APCDD1L: variants seen among roughly 807,000 people sequenced by gnomAD.
APCDD1L encodes the protein APC down-regulated 1 like.
APCDD1L carries 21 observed loss-of-function variants against 24.2 expected under a neutral mutation model. The ratio of observed to expected loss-of-function variants is 0.87; its 90% CI spans 0.61 to 1.25. The LOEUF (loss-of-function observed/expected upper bound fraction) is 1.25. Ranked by LOEUF, APCDD1L falls within the 50% of genes most tolerant of loss-of-function variation. APCDD1L has a pLI of 0.00. For synonymous variants in APCDD1L, 321 were observed against 323.6 expected, an observed-to-expected ratio of 0.99 and a Z score of 0.09; for missense variants, 704 against 711.7, an observed-to-expected ratio of 0.99 and a Z score of 0.12.
chr20:58,483,193 G>A (rs1005827324), intron 1 of APCDD1L, among the ~76,000 whole-genome samples: 2 of 152,160 alleles, frequency 1.3e-5, no homozygotes, highest in Admixed American at 6.5e-5. Flanking sequence ...AGAGATGGAG[G>A]AGGATGTAAT....
intron 1 of APCDD1L, among the ~76,000 whole-genome samples, chr20:58,512,381 G>A (rs939620583): frequency 6.6e-6 from 1 of 152,182 alleles, no homozygotes; most frequent in African/African-American, 2.4e-5. Flanking sequence ...ATCACCTGGA[G>A]ACATGTGGTC....
chr20:58,465,785 A>G lies in APCDD1L; in HGVS notation c.741+1321T>C, dbSNP rs555597263. 7.9e-5 allele frequency among the ~76,000 whole-genome samples: 12 copies of G among 152,358 alleles called. No individual in the cohort carries two copies. The East Asian group carries it at 2.1e-3, about 27-fold the overall frequency. ...CCTTGTATGACACTAACAGCATTGC[A>G]GGTACTGGAAACATGGTTTGCAGTC... On this transcript the variant is annotated intron_variant, in intron 3 of 3. Transcript: ENST00000371149.
At chr20:58,513,930 C>T in intron 1 of APCDD1L, 1 of 1,303,118 alleles carries the variant, frequency 7.7e-7, no homozygotes, top group Non-Finnish European at 1.0e-6. Flanking sequence ...GGATGAGCCC[C>T]CAGCTGGGCA....
At chr20:58,468,819 C>T (rs1487890656) in intron 2 of APCDD1L, among the ~76,000 whole-genome samples, 2 of 152,280 alleles carry the variant, frequency 1.3e-5, no homozygotes, top group East Asian at 1.9e-4. Context: ...CTGCCCATCT[C>T]GGCCTCCCAA....
Position 58,460,640 on chromosome 20 carries a change from A to C in APCDD1L, c.*150T>G, listed in dbSNP as rs996326994. The C allele has an allele frequency of 2.0e-5, 21 of 1,067,054 alleles. No homozygotes were observed. In the African/African-American group the frequency reaches 3.0e-4, roughly 15 times the overall value. The allele number at this position is 1,067,054 out of a possible 1,614,324, so 66.1% of individuals were successfully genotyped here. On this transcript the variant is annotated 3_prime_UTR_variant, in exon 4 of 4. Transcript: ENST00000371149. The surrounding 1 kb of genome is among the most constrained non-coding windows in gnomAD (Gnocchi z 4.2). ...GGGTTAAGCTCATGTCCTGAGCCACATGGGACACAGGCAGAGTTTGGAAGC... is the reference window on the plus strand; with the variant it reads ...GGGTTAAGCTCATGTCCTGAGCCACCTGGGACACAGGCAGAGTTTGGAAGC...
At chr20:58,489,598 C>T (rs937493391) in intron 1 of APCDD1L, among the ~76,000 whole-genome samples, 5 of 151,094 alleles carry the variant, frequency 3.3e-5, no homozygotes, top group African/African-American at 4.9e-5. Flanking sequence ...GCAGGACAAT[C>T]GCTTGAACCT....
At chr20:58,498,742 C>T (rs148794699) in intron 1 of APCDD1L, among the ~76,000 whole-genome samples, 2 of 152,368 alleles carry the variant, frequency 1.3e-5, no homozygotes, top group East Asian at 3.9e-4. Flanking sequence ...GGGTGCTGAG[C>T]TAGAGCCATC....
chr20:58,470,810 C>T (rs1989798751), intron 1 of APCDD1L, 63 bp from the exon 2 acceptor site: 1 of 1,478,380 alleles, frequency 6.8e-7, no homozygotes, highest in Non-Finnish European at 8.9e-7. Context: ...CCCCATCTGC[C>T]CTCCCAACCC....
At chr20:58,501,949 T>C (rs892412672) in intron 1 of APCDD1L, among the ~76,000 whole-genome samples, 2 of 152,198 alleles carry the variant, frequency 1.3e-5, no homozygotes, top group African/African-American at 2.4e-5. Context: ...GCTGGCTCCT[T>C]TTCATCTCTT....
intron 1 of APCDD1L, among the ~76,000 whole-genome samples, chr20:58,478,465 A>C (rs1989957750): frequency 7.1e-6 from 1 of 140,650 alleles, no homozygotes; most frequent in African/African-American, 2.7e-5. Context: ...TCTGCCTGTG[A>C]CTCCACGAGT....
Position 58,460,649 on chromosome 20 carries a change from A to C in APCDD1L, c.*141T>G. On this transcript the variant is annotated 3_prime_UTR_variant, in exon 4 of 4. Coordinates refer to ENST00000371149, the MANE Select transcript of APCDD1L (RefSeq NM_153360.3). The surrounding 1 kb of genome is among the most constrained non-coding windows in gnomAD (Gnocchi z 4.2). ...TCATGTCCTGAGCCACATGGGACAC[A>C]GGCAGAGTTTGGAAGCAGTGGGGCT... The C allele has an allele frequency of 8.9e-7, 1 of 1,128,026 alleles. No homozygotes were observed. The highest frequency in any genetic ancestry group is 1.2e-6 in the Non-Finnish European group (1 of 836,068). 69.9% of individuals were successfully genotyped at this position (1,128,026 alleles called of 1,614,324 possible). A position where few individuals can be genotyped will look rare whatever the true frequency, so the allele number is the denominator to read the frequency against.
chr20:58,477,589 T>A (rs1989934154), intron 1 of APCDD1L, among the ~76,000 whole-genome samples: 1 of 152,242 alleles, frequency 6.6e-6, no homozygotes, highest in African/African-American at 2.4e-5. Context: ...TCTCCACTAT[T>A]AAATTACTAC....
intron 1 of APCDD1L, among the ~76,000 whole-genome samples, chr20:58,502,323 A>C (rs1288421344): frequency 6.6e-6 from 1 of 151,422 alleles, no homozygotes; most frequent in Non-Finnish European, 1.5e-5. Context: ...CTGGTCTTGA[A>C]CTCCTGACCT....
At chr20:58,509,693 G>A (rs1477500779) in intron 1 of APCDD1L, among the ~76,000 whole-genome samples, 1 of 152,180 alleles carries the variant, frequency 6.6e-6, no homozygotes, top group Non-Finnish European at 1.5e-5. Flanking sequence ...GCCATTGATA[G>A]CACATGTGCT....
At position 58,459,791 on chromosome 20, in the gene APCDD1L, C is replaced by T. The variant is rs1989561425; in HGVS notation, c.*999G>A. ...GACCCCGACCTCTCCCTAGGGTGGG[C>T]CCAAAGATACACATTCGGAGATTCT... On this transcript the variant is annotated 3_prime_UTR_variant, in exon 4 of 4. Transcript: ENST00000371149. The T allele has an allele frequency of 6.5e-6, 1 of 152,690 alleles. No individual in the cohort carries two copies. Among genetic ancestry groups the T allele is most frequent in the African/African-American group, 2.4e-5 (1 of 41,452 alleles). 9.5% of individuals were successfully genotyped at this position (152,690 alleles called of 1,614,324 possible).
rs765106656 is a variant in APCDD1L, at chr20:58,467,160, C to A, written c.687G>T (p.Ala229=). 3 of 1,607,980 alleles carry A rather than the reference C, an allele frequency of 1.9e-6. No homozygotes were observed. The South Asian group carries it at 3.3e-5, about 18-fold the overall frequency. Residue 229 remains alanine, a synonymous_variant, in exon 3 of 4, where the codon GCG becomes GCT. Coordinates refer to ENST00000371149, the MANE Select transcript of APCDD1L (RefSeq NM_153360.3). This position sits in a 1 kb window ranked among gnomAD's most constrained non-coding sequence, Gnocchi z 5.9. ...LYLGDIHTDP[A]ERRHYRPTGY... ...CCGTGGGCCGGTAGTGCCGCCTCTC[C>A]GCCGGGTCGGTGTGGATGTCCCCCA...
intron 3 of APCDD1L, among the ~76,000 whole-genome samples, chr20:58,464,314 G>A (rs1052270435): frequency 1.3e-5 from 2 of 152,232 alleles, no homozygotes; most frequent in Non-Finnish European, 2.9e-5. Context: ...TCTGGGGTGA[G>A]CAGTTTTCTG....
chr20:58,486,093 G>A lies in APCDD1L; in HGVS notation c.50-15346C>T, dbSNP rs532630668. Reference sequence around the variant, plus strand: ...CAAAGGTCACCCAATACACAAGTAAGCAATCCACTATGGAGTAAGAGTTGG... The same window carrying A: ...CAAAGGTCACCCAATACACAAGTAAACAATCCACTATGGAGTAAGAGTTGG... On this transcript the variant is annotated intron_variant, in intron 1 of 3. Transcript: ENST00000371149. Among the ~76,000 whole-genome samples the A allele has an allele frequency of 5.3e-5, 8 of 152,308 alleles. No homozygotes were observed. The East Asian group carries it at 1.3e-3, about 26-fold the overall frequency.
At chr20:58,506,179 C>A (rs1477710716) in intron 1 of APCDD1L, among the ~76,000 whole-genome samples, 4 of 152,158 alleles carry the variant, frequency 2.6e-5, no homozygotes, top group Non-Finnish European at 5.9e-5. Flanking sequence ...TTGGATACAT[C>A]CCCAGGCAAA....
Sources: allele counts gnomAD v4.1 joint callset (sites outside exome capture counted in the v4.1 genomes callset), GRCh38; gene constraint gnomAD v4.1.1; non-coding constraint Gnocchi (gnomAD v3.1); transcripts MANE v1.5; gene names NCBI Gene and HGNC (gene_info 2026-07-23, HGNC 2026-07-21).